Variants in TNRC6A observed in about 807,000 individuals in gnomAD.
The protein encoded by TNRC6A is trinucleotide repeat-containing gene 6A protein.
In TNRC6A, 44 loss-of-function variants were observed where a neutral mutation model predicts 221.2. The ratio of observed to expected loss-of-function variants is 0.20; its 90% confidence interval spans 0.16 to 0.26. The LOEUF (loss-of-function observed/expected upper bound fraction) is 0.26. Among genes scored for constraint, TNRC6A ranks in the 10% least tolerant of loss-of-function variants. The pLI, the probability that TNRC6A is intolerant of heterozygous loss-of-function variation, is 1.00. For synonymous variants in TNRC6A, 847 were observed against 838.5 expected, an observed-to-expected ratio of 1.01 and a Z score of -0.18; for missense variants, 2,199 against 2,404.4, an observed-to-expected ratio of 0.91 and a Z score of 1.79.
At chr16:24,670,523 A>G (rs1156861872) in intron 2 of TNRC6A, among the ~76,000 whole-genome samples, 1 of 152,142 alleles carries the variant, frequency 6.6e-6, no homozygotes, top group African/African-American at 2.4e-5. Context: ...GGATATTTAA[A>G]TGATGTCTTA....
chr16:24,675,539 G>C lies in TNRC6A; in HGVS notation n.402+34530G>C, dbSNP rs367723031. 2.5e-3 allele frequency among the ~76,000 whole-genome samples: 378 copies of C among 151,270 alleles called. 2 individuals are homozygous for C. The highest frequency in any genetic ancestry group is 8.8e-3 in the African/African-American group (365 of 41,248). On this transcript the variant is annotated intron_variant and non_coding_transcript_variant, in intron 2 of 2. Coordinates refer to the TNRC6A transcript ENST00000566108. The stretch of plus-strand genomic sequence containing the variant: ...TACTATAAATACAAAAAATTAGCTG[G>C]GCATGGTGGTGCACAACTGTAATCC...
intron 2 of TNRC6A, among the ~76,000 whole-genome samples, chr16:24,714,124 C>T (rs2056264660): frequency 6.6e-6 from 1 of 151,586 alleles, no homozygotes; most frequent in Non-Finnish European, 1.5e-5. Context: ...TCTTTTAGTC[C>T]CTTGTTCTCT....
At chr16:24,816,567 C>T (rs1036315540) in intron 19 of TNRC6A, 6 of 429,682 alleles carry the variant, frequency 1.4e-5, no homozygotes, top group African/African-American at 6.0e-5. Context: ...GTATATGTTA[C>T]GTGTGTGTGT....
rs1275005211 is a variant in TNRC6A at position 24,730,572 on chromosome 16, A to G, written c.53+272A>G. Among the ~76,000 whole-genome samples, 10 of 151,840 alleles carry G rather than the reference A, an allele frequency of 6.6e-5. 1 individual carries two copies. Among genetic ancestry groups the G allele is most frequent in the Admixed American group, 6.6e-4 (10 of 15,232 alleles). ...ATTCTCACCCTTTTAGAATTTAATTAGGGGACTTGTGCATTAATTACTATT... is the reference window on the plus strand; with the variant it reads ...ATTCTCACCCTTTTAGAATTTAATTGGGGGACTTGTGCATTAATTACTATT... On this transcript the variant is annotated intron_variant, in intron 2 of 24. Coordinates refer to ENST00000395799, the MANE Select transcript of TNRC6A (RefSeq NM_014494.4).
chr16:24,673,595 C>G (rs531681788), intron 2 of TNRC6A, among the ~76,000 whole-genome samples: 2 of 152,280 alleles, frequency 1.3e-5, no homozygotes, highest in East Asian at 3.9e-4. Flanking sequence ...GGGTCTCACT[C>G]TGTCACCCAG....
chr16:24,811,616 T>C (rs564367334), intron 18 of TNRC6A, among the ~76,000 whole-genome samples: 17 of 152,162 alleles, frequency 1.1e-4, no homozygotes, highest in African/African-American at 4.1e-4. Context: ...CATTGCCTTT[T>C]GTATGTTGGA....
At chr16:24,750,890 AG>A (rs1369550287) in intron 3 of TNRC6A, 77 bp downstream of exon 3, 1 of 1,270,884 alleles carries the variant, frequency 7.9e-7, no homozygotes, top group African/African-American at 1.5e-5. Context: ...CAGATTTTGA[AG>A]GCATTTATTT....
intron 11 of TNRC6A, among the ~76,000 whole-genome samples, chr16:24,800,405 A>G (rs999253157): frequency 6.6e-6 from 1 of 152,184 alleles, no homozygotes; most frequent in African/African-American, 2.4e-5. Context: ...AATGGCATAT[A>G]TGGTAAGACC....
intron 11 of TNRC6A, 64 bp from the exon 12 acceptor site, chr16:24,804,113 G>T: frequency 1.3e-6 from 2 of 1,509,806 alleles, no homozygotes; most frequent in Non-Finnish European, 1.8e-6. Context: ...TGCTTTTGTT[G>T]TAAATTTATC....
At chr16:24,796,900 A>G (rs1230120819) in intron 9 of TNRC6A, among the ~76,000 whole-genome samples, 1 of 152,194 alleles carries the variant, frequency 6.6e-6, no homozygotes, top group Non-Finnish European at 1.5e-5. Flanking sequence ...CGTACCACCC[A>G]TACCCCAACC....
chr16:24,645,834 CAAAAAAAAAAAA>C (rs36106864), intron 2 of TNRC6A, among the ~76,000 whole-genome samples: 20 of 26,640 alleles, frequency 7.5e-4, no homozygotes, highest in East Asian at 7.1e-3. Flanking sequence ...CCTGTATCTA[CAAAAAAAAAAAA>C]AAAAAAAAAA....
chr16:24,721,228 G>A (rs13337480), intron 2 of TNRC6A, among the ~76,000 whole-genome samples: 38,568 of 152,060 alleles, frequency 0.25, 5,359 homozygotes, highest in Non-Finnish European at 0.31. Context: ...CACTTACCTT[G>A]TGATCCAGTA....
intron 1 of TNRC6A, among the ~76,000 whole-genome samples, chr16:24,626,933 T>C (rs1284109691): frequency 6.7e-6 from 1 of 148,904 alleles, no homozygotes; most frequent in Non-Finnish European, 1.5e-5. Context: ...ATTACAGGCG[T>C]GAGCCACCGC....
chr16:24,699,556 A>G (rs1048002605), intron 2 of TNRC6A, among the ~76,000 whole-genome samples: 10 of 151,972 alleles, frequency 6.6e-5, no homozygotes, highest in African/African-American at 2.4e-4. Context: ...CATTTCTACA[A>G]AAAATTTTTA....
chr16:24,680,645 G>T (rs1208297080), intron 2 of TNRC6A, among the ~76,000 whole-genome samples: 3 of 151,368 alleles, frequency 2.0e-5, no homozygotes. Context: ...TGAACCTGGA[G>T]GCAGAGGTTG....
upstream of TNRC6A, among the ~76,000 whole-genome samples, chr16:24,727,498 A>G (rs192083820): frequency 6.6e-6 from 1 of 152,296 alleles, no homozygotes; most frequent in Admixed American, 6.5e-5. Flanking sequence ...GATACCAATC[A>G]GTAGCATCCA....
intron 2 of TNRC6A, among the ~76,000 whole-genome samples, chr16:24,664,283 A>G (rs555985011): frequency 6.6e-6 from 1 of 151,800 alleles, no homozygotes; most frequent in South Asian, 2.1e-4. Flanking sequence ...GTGAGCTGAG[A>G]TCATGCCACT....
intron 1 of TNRC6A, among the ~76,000 whole-genome samples, chr16:24,628,567 A>T (rs777341301): frequency 1.3e-5 from 2 of 152,158 alleles, no homozygotes; most frequent in Non-Finnish European, 2.9e-5. Context: ...CAAACTGAAG[A>T]TGACGAAGAT....
chr16:24,742,917 C>T (rs956735888), intron 2 of TNRC6A, among the ~76,000 whole-genome samples: 2 of 151,898 alleles, frequency 1.3e-5, no homozygotes, highest in African/African-American at 2.4e-5. Flanking sequence ...GGTGACAGAG[C>T]GAGATGCTGT....
Sources: gnomAD v4.1 joint callset for allele counts (sites outside exome capture counted in the v4.1 genomes callset) on GRCh38, gnomAD v4.1.1 for gene constraint, MANE v1.5 for transcripts, NCBI Gene and HGNC (gene_info 2026-07-23, HGNC 2026-07-21) for gene names.